Variants in IL23R observed in about 807,000 individuals in gnomAD.
IL23R encodes interleukin-23 receptor.
Under a neutral mutation model 56.9 loss-of-function variants are expected in IL23R, and 34 were observed. The ratio of observed to expected loss-of-function variants is 0.60; its 90% CI spans 0.45 to 0.80. IL23R has a LOEUF of 0.80. Among genes scored for constraint, IL23R ranks in the 30% least tolerant of loss-of-function variants. The pLI is 0.00. For synonymous variants in IL23R, 230 were observed against 249.2 expected (o/e 0.92, Z 0.73); for missense variants, 635 against 730.0 (o/e 0.87, Z 1.50).
chr1:67,179,994 G>T (rs9756928), intron 3 of IL23R, among the ~76,000 whole-genome samples: 9 of 152,058 alleles, frequency 5.9e-5, no homozygotes, highest in East Asian at 1.9e-4. Flanking sequence ...CAGTTTGTTA[G>T]AATTTCTGTT....
chr1:67,164,810 G>A (rs78766212), upstream of IL23R, among the ~76,000 whole-genome samples: 3,477 of 151,928 alleles, frequency 0.023, 130 homozygotes, highest in African/African-American at 0.079. Context: ...GTCATCAGGC[G>A]ATTCTGGACC....
At chr1:67,238,001 A>G (rs1651595419) in intron 8 of IL23R, among the ~76,000 whole-genome samples, 1 of 152,176 alleles carries the variant, frequency 6.6e-6, no homozygotes, top group South Asian at 2.1e-4. Context: ...CAGGGCAGAA[A>G]AACAGCAAAC....
At chr1:67,206,385 A>G (rs1157719818) in intron 5 of IL23R, among the ~76,000 whole-genome samples, 1 of 151,836 alleles carries the variant, frequency 6.6e-6, no homozygotes, top group African/African-American at 2.4e-5. Context: ...ATCATGGCTC[A>G]CTGCAACCTT....
At chr1:67,195,220 ACAGGGTTT>A (rs908689938) in intron 4 of IL23R, among the ~76,000 whole-genome samples, 5 of 152,144 alleles carry the variant, frequency 3.3e-5, no homozygotes, top group Middle Eastern at 3.4e-3. Context: ...TTTAGTAGAG[ACAGGGTTT>A]CACCACGTTG....
intron 1 of IL23R, among the ~76,000 whole-genome samples, chr1:67,140,252 G>T (rs1257122696): frequency 2.6e-5 from 4 of 152,092 alleles, no homozygotes; most frequent in African/African-American, 2.4e-5. Flanking sequence ...AAAATTGTTA[G>T]ATCTGATTTC....
chr1:67,149,541 A>G (rs768016351), intron 1 of IL23R, among the ~76,000 whole-genome samples: 3 of 152,112 alleles, frequency 2.0e-5, no homozygotes, highest in Non-Finnish European at 4.4e-5. Flanking sequence ...TATTTCCCGA[A>G]GTACTCTATC....
intron 7 of IL23R, among the ~76,000 whole-genome samples, chr1:67,219,995 C>T (rs574933849): frequency 2.6e-5 from 4 of 152,134 alleles, no homozygotes; most frequent in East Asian, 1.9e-4. Flanking sequence ...TGCGTGAGCC[C>T]GGGAGTTTGA....
At chr1:67,184,872 C>A (rs1465675081) in intron 4 of IL23R, among the ~76,000 whole-genome samples, 1 of 152,026 alleles carries the variant, frequency 6.6e-6, no homozygotes, top group African/African-American at 2.4e-5. Context: ...AGAGTTGGGG[C>A]CTTTGAAGTG....
chr1:67,246,705 A>C (rs754979294), intron 9 of IL23R, among the ~76,000 whole-genome samples: 5 of 152,076 alleles, frequency 3.3e-5, no homozygotes, highest in Non-Finnish European at 7.4e-5. Context: ...ATTCTTTTGC[A>C]TTTGCTGAGG....
chr1:67,199,172 C>G (rs747981522), intron 4 of IL23R, among the ~76,000 whole-genome samples: 5 of 152,182 alleles, frequency 3.3e-5, no homozygotes, highest in Non-Finnish European at 7.3e-5. Flanking sequence ...ATCAGTAGCT[C>G]ATGGAAGGTC....
rs117629726 is a variant in IL23R, at chr1:67,250,099, T to G, written c.1149-5738T>G. On this transcript the variant is annotated intron_variant, in intron 9 of 10. Transcript: ENST00000347310. Reference sequence around the variant, plus strand: ...TTAACCCTCTAACCTAGACAAAAATTTACATTCCTGTGCCTTCTTATAACC... The same window carrying G: ...TTAACCCTCTAACCTAGACAAAAATGTACATTCCTGTGCCTTCTTATAACC... 6.7e-4 allele frequency among the ~76,000 whole-genome samples: 102 copies of G among 152,308 alleles called. No homozygotes were observed. The East Asian group carries it at 0.017, about 26-fold the overall frequency.
chr1:67,146,304 G>A (rs1361844647), intron 1 of IL23R, among the ~76,000 whole-genome samples: 1 of 152,060 alleles, frequency 6.6e-6, no homozygotes, highest in African/African-American at 2.4e-5. Flanking sequence ...AGTGCCTGTC[G>A]ATGTCTATGC....
At chr1:67,170,903 T>C (rs1646935085) in intron 3 of IL23R, among the ~76,000 whole-genome samples, 1 of 152,182 alleles carries the variant, frequency 6.6e-6, no homozygotes, top group Non-Finnish European at 1.5e-5. Context: ...CTTGCAAGCT[T>C]TTCAAGAGAA....
chr1:67,217,276 T>C (rs1649904555), intron 6 of IL23R, among the ~76,000 whole-genome samples: 1 of 152,198 alleles, frequency 6.6e-6, no homozygotes, highest in Admixed American at 6.5e-5. Flanking sequence ...ACAGAGGCAC[T>C]CAATTAAGTC....
intron 4 of IL23R, among the ~76,000 whole-genome samples, chr1:67,184,666 A>G (rs867781919): frequency 4.6e-5 from 7 of 151,920 alleles, no homozygotes; most frequent in South Asian, 2.1e-4. Flanking sequence ...TCTGTCACTA[A>G]TTCTTAAAAA....
At chr1:67,200,666 T>C (rs1296366409) in intron 4 of IL23R, 71 bp from the exon 5 acceptor site, 2 of 1,503,260 alleles carry the variant, frequency 1.3e-6, no homozygotes, top group African/African-American at 2.8e-5. Context: ...ATTACAGGTG[T>C]GAGCCACCAT....
intron 4 of IL23R, among the ~76,000 whole-genome samples, chr1:67,198,798 A>G (rs1648375819): frequency 6.6e-6 from 1 of 152,152 alleles, no homozygotes; most frequent in Non-Finnish European, 1.5e-5. Context: ...TACAAAAATT[A>G]ATTGGGCATG....
At position 67,169,717 on chromosome 1, in the gene IL23R, A is replaced by C. The variant is rs902623036; in HGVS notation, c.367+79A>C. The C allele has an allele frequency of 3.1e-6, 4 of 1,276,242 alleles. No homozygotes were observed. The African/African-American group carries it at 5.9e-5, about 19-fold the overall frequency. 79.1% of individuals were successfully genotyped at this position (1,276,242 alleles called of 1,614,324 possible). On this transcript the variant is annotated intron_variant, in intron 3 of 10. Transcript: ENST00000347310. ...TGGTCATTACCACACTAGTCTAAAA[A>C]TAGGGACAAAATAATATAGTTCAGT... is the stretch of plus-strand genomic sequence containing the variant.
At chr1:67,161,068 T>C (rs1214766354) in intron 1 of IL23R, among the ~76,000 whole-genome samples, 1 of 152,234 alleles carries the variant, frequency 6.6e-6, no homozygotes, top group Non-Finnish European at 1.5e-5. Flanking sequence ...ATAACTATTA[T>C]CATTGCATTT....
Sources: allele counts gnomAD v4.1 joint callset (sites outside exome capture counted in the v4.1 genomes callset), GRCh38; gene constraint gnomAD v4.1.1; transcripts MANE v1.5; gene names NCBI Gene and HGNC (gene_info 2026-07-23, HGNC 2026-07-21).